ACYP2: variants seen among roughly 807,000 people sequenced by gnomAD.
ACYP2 encodes the protein acylphosphatase 2.
In ACYP2, 12 loss-of-function variants were observed where a neutral mutation model predicts 11.2. That is an observed-to-expected ratio of 1.08 (90% CI 0.69 to 1.74). ACYP2 has a LOEUF of 1.74. Among genes scored for constraint, ACYP2 ranks in the 40% most tolerant of loss-of-function variants. The probability of loss-of-function intolerance (pLI) is 0.00; values close to 1 mark genes in which losing one functional copy is unlikely to be tolerated. For missense variants in ACYP2, 134 were observed against 101.9 expected (o/e 1.31, Z -1.35); for synonymous variants, 43 against 32.2 (o/e 1.33, Z -1.13).
chr2:54,285,199 CA>C (rs1334329234), intron 6 of ACYP2, among the ~76,000 whole-genome samples: 1 of 152,160 alleles, frequency 6.6e-6, no homozygotes, highest in East Asian at 1.9e-4. Context: ...AATCATCTCA[CA>C]AAGGCCCTAT....
chr2:54,042,009 C>CT lies in ACYP2; in HGVS notation c.63-8934dup, dbSNP rs111463982. Among the ~76,000 whole-genome samples, 453 of 136,564 alleles carry CT rather than the reference C, an allele frequency of 3.3e-3. 3 individuals are homozygous for CT. The highest frequency in any genetic ancestry group is 5.1e-3 in the Non-Finnish European group (324 of 63,640). The allele number at this position is 136,564 out of a possible 152,430, so 89.6% of individuals were successfully genotyped here. On this transcript the variant is annotated intron_variant, in intron 2 of 6. Coordinates refer to ENST00000607452, the MANE Select transcript of ACYP2 (RefSeq NM_001320586.2). ...TTGCTTCAAACTCACTTTATTCTTT[C>CT]TTTTTTTTTTTTTTTGAGATGGAGT...
chr2:54,041,854 G>T (rs574229452), intron 2 of ACYP2, among the ~76,000 whole-genome samples: 1 of 151,928 alleles, frequency 6.6e-6, no homozygotes, highest in Admixed American at 6.6e-5. Flanking sequence ...ACACTGGCAC[G>T]ATCACAGCTC....
chr2:54,027,434 G>A (rs1043208083), intron 2 of ACYP2, among the ~76,000 whole-genome samples: 5 of 152,124 alleles, frequency 3.3e-5, no homozygotes, highest in African/African-American at 1.2e-4. Flanking sequence ...GAACAAACGA[G>A]CCTAATTCCT....
In ACYP2 at chr2:54,104,837, G is replaced by A. The variant is rs572865027; in HGVS notation, c.278-30616G>A. 2.0e-5 allele frequency among the ~76,000 whole-genome samples: 3 copies of A among 152,254 alleles called. No homozygotes were observed. In the East Asian group the frequency reaches 5.8e-4, roughly 29 times the overall value. On this transcript the variant is annotated intron_variant, in intron 4 of 6. Transcript: ENST00000607452. Reference sequence around the variant, plus strand: ...GAAGAACACTCCCCAAGTTCCCCAAGTGAACATAATGTGCAACTAGACAAA... The same window carrying A: ...GAAGAACACTCCCCAAGTTCCCCAAATGAACATAATGTGCAACTAGACAAA...
intron 6 of ACYP2, among the ~76,000 whole-genome samples, chr2:54,190,109 T>C: frequency 6.6e-6 from 1 of 152,232 alleles, no homozygotes; most frequent in East Asian, 1.9e-4. Flanking sequence ...TGAATATTAA[T>C]CCTTTATCAG....
chr2:54,107,456 A>G (rs934204914), intron 4 of ACYP2, among the ~76,000 whole-genome samples: 2 of 152,166 alleles, frequency 1.3e-5, no homozygotes, highest in African/African-American at 4.8e-5. Context: ...CTATTGACAG[A>G]AAGGGATGGC....
chr2:54,255,589 C>T (rs748048589), intron 6 of ACYP2: 1 of 1,613,542 alleles, frequency 6.2e-7, no homozygotes. Context: ...GGGCCCAGGC[C>T]CTGCCTCCCT....
intron 6 of ACYP2, among the ~76,000 whole-genome samples, chr2:54,201,626 T>TTCTCTCTCTCTC (rs1210281198): frequency 9.8e-6 from 1 of 102,554 alleles, no homozygotes; most frequent in East Asian, 3.3e-4. Context: ...CTTTCTTTGT[T>TTCTCTCTCTCTC]TCTTTCTTTC....
At chr2:54,088,297 T>C (rs1678045051) in intron 4 of ACYP2, among the ~76,000 whole-genome samples, 1 of 152,200 alleles carries the variant, frequency 6.6e-6, no homozygotes, top group Non-Finnish European at 1.5e-5. Context: ...TCAACAGGAC[T>C]ACTTAGAGGA....
At chr2:54,085,186 C>T (rs1480601641) in intron 4 of ACYP2, 3 of 152,222 alleles carry the variant, frequency 2.0e-5, no homozygotes, top group African/African-American at 7.2e-5. Context: ...ACGTTCTCCT[C>T]ACGTCTGTGG....
intron 6 of ACYP2, among the ~76,000 whole-genome samples, chr2:54,184,274 G>A (rs1326084483): frequency 1.3e-5 from 2 of 152,140 alleles, no homozygotes; most frequent in Non-Finnish European, 2.9e-5. Flanking sequence ...ATTAGCAAGA[G>A]AATGGATATT....
chr2:54,264,756 T>C (rs1268329313), intron 6 of ACYP2, among the ~76,000 whole-genome samples: 1 of 152,142 alleles, frequency 6.6e-6, no homozygotes, highest in African/African-American at 2.4e-5. Flanking sequence ...TTGTTTGGGG[T>C]AGGGGACAGT....
chr2:54,219,499 G>C (rs1685692093), intron 6 of ACYP2, among the ~76,000 whole-genome samples: 1 of 152,162 alleles, frequency 6.6e-6, no homozygotes, highest in Non-Finnish European at 1.5e-5. Flanking sequence ...GGAATAATAT[G>C]AGGGAGTGGA....
At chr2:54,178,707 G>C (rs1221192391) in intron 6 of ACYP2, among the ~76,000 whole-genome samples, 1 of 152,200 alleles carries the variant, frequency 6.6e-6, no homozygotes, top group Non-Finnish European at 1.5e-5. Context: ...TAGTGGGAAG[G>C]ATTTGTAAGA....
chr2:54,029,478 T>C, intron 2 of ACYP2: 1 of 354,086 alleles, frequency 2.8e-6, no homozygotes, highest in Non-Finnish European at 5.4e-6. Context: ...TGTGTATATA[T>C]GTATTATGCA....
At chr2:54,111,850 T>G (rs1005828411) in intron 4 of ACYP2, among the ~76,000 whole-genome samples, 4 of 152,210 alleles carry the variant, frequency 2.6e-5, no homozygotes, top group Admixed American at 1.3e-4. Context: ...CATATCTTAA[T>G]ATCAAATTTC....
chr2:54,137,705 C>T (rs549794337), intron 5 of ACYP2, among the ~76,000 whole-genome samples: 3 of 152,238 alleles, frequency 2.0e-5, no homozygotes, highest in African/African-American at 7.2e-5. Flanking sequence ...AGGTTGATTC[C>T]ATGTCTTGGC....
At chr2:54,261,685 A>G (rs923898751) in intron 6 of ACYP2, among the ~76,000 whole-genome samples, 1 of 152,212 alleles carries the variant, frequency 6.6e-6, no homozygotes, top group Non-Finnish European at 1.5e-5. Context: ...TTTAAACAAC[A>G]TTGTTTATAT....
intron 2 of ACYP2, among the ~76,000 whole-genome samples, chr2:54,008,195 A>C (rs1053661565): frequency 1.3e-5 from 2 of 152,206 alleles, no homozygotes; most frequent in Non-Finnish European, 2.9e-5. Context: ...GCAGCTATTC[A>C]AAGACCATGC....
Sources: gnomAD v4.1 joint callset for allele counts (sites outside exome capture counted in the v4.1 genomes callset) on GRCh38, gnomAD v4.1.1 for gene constraint, MANE v1.5 for transcripts, NCBI Gene and HGNC (gene_info 2026-07-23, HGNC 2026-07-21) for gene names.